The following CCSER1 variants were observed in gnomAD, a reference collection of about 807,000 sequenced individuals.
CCSER1 encodes the protein coiled-coil serine rich protein 1.
In CCSER1, 41 loss-of-function variants were observed where a neutral mutation model predicts 82.0. The ratio of observed to expected loss-of-function variants is 0.50; its 90% CI spans 0.39 to 0.65. The LOEUF (loss-of-function observed/expected upper bound fraction) is 0.65, where lower values mean the gene tolerates loss of function less well. CCSER1 is among the 30% of genes least tolerant of loss of function. CCSER1 has a pLI of 0.00. For missense variants in CCSER1, 1,119 were observed against 1,064.2 expected, an observed-to-expected ratio of 1.05 and a Z score of -0.72; for synonymous variants, 414 against 383.9, an observed-to-expected ratio of 1.08 and a Z score of -0.92.
intron 6 of CCSER1, among the ~76,000 whole-genome samples, chr4:90,669,109 A>G (rs901859127): frequency 1.3e-5 from 2 of 152,036 alleles, no homozygotes; most frequent in African/African-American, 4.8e-5. Context: ...TATGGAATAT[A>G]TAATATAGTG....
At chr4:90,202,343 C>T (rs1256131364) in intron 1 of CCSER1, among the ~76,000 whole-genome samples, 1 of 152,028 alleles carries the variant, frequency 6.6e-6, no homozygotes, top group Admixed American at 6.6e-5. Flanking sequence ...GCTGGGATTA[C>T]AGGCACCCGT....
chr4:90,155,470 G>A (rs1727915146), intron 1 of CCSER1, among the ~76,000 whole-genome samples: 1 of 152,102 alleles, frequency 6.6e-6, no homozygotes, highest in Non-Finnish European at 1.5e-5. Flanking sequence ...GTTCCTCCTT[G>A]TACCTCTGGT....
At chr4:91,243,639 A>G (rs982763517) in intron 10 of CCSER1, among the ~76,000 whole-genome samples, 1 of 152,222 alleles carries the variant, frequency 6.6e-6, no homozygotes, top group Non-Finnish European at 1.5e-5. Flanking sequence ...CCTAGCTCCC[A>G]GATGACATTT....
rs185645237 is a variant in CCSER1 at position 91,361,617 on chromosome 4, G to C, written c.2218-236955G>C. ...TCCATTGGGATTTCAAAGAGTGGAG[G>C]GAGAGACTTATTAACAGAGACTGCA... On this transcript the variant is annotated intron_variant, in intron 10 of 10. Coordinates refer to ENST00000509176, the MANE Select transcript of CCSER1 (RefSeq NM_001145065.2). Among the ~76,000 whole-genome samples, 240 of 151,798 alleles carry C rather than the reference G, an allele frequency of 1.6e-3. 1 individual carries two copies. The highest frequency in any genetic ancestry group is 5.6e-3 in the African/African-American group (233 of 41,466).
intron 10 of CCSER1, among the ~76,000 whole-genome samples, chr4:91,208,027 C>G (rs1190960227): frequency 6.6e-6 from 1 of 151,900 alleles, no homozygotes; most frequent in East Asian, 1.9e-4. Flanking sequence ...TGTATGTCTT[C>G]TTTTTAAAAG....
chr4:90,889,629 A>G (rs1278616743), intron 8 of CCSER1, among the ~76,000 whole-genome samples: 2 of 152,150 alleles, frequency 1.3e-5, no homozygotes, highest in African/African-American at 4.8e-5. Flanking sequence ...CAGCTTAAAT[A>G]TCCATCAACA....
At chr4:90,553,823 C>A (rs908123435) in intron 5 of CCSER1, among the ~76,000 whole-genome samples, 27 of 152,096 alleles carry the variant, frequency 1.8e-4, no homozygotes, top group Non-Finnish European at 5.9e-5. Flanking sequence ...TTCATTTAAA[C>A]CTTCTGAAAT....
chr4:90,641,869 T>A (rs570338024), intron 6 of CCSER1: 1 of 256,300 alleles, frequency 3.9e-6, no homozygotes, highest in Non-Finnish European at 8.7e-6. Flanking sequence ...AATCTATTTG[T>A]GTTATTATCA....
chr4:91,092,145 G>C (rs1461929526), intron 10 of CCSER1, among the ~76,000 whole-genome samples: 1 of 152,150 alleles, frequency 6.6e-6, no homozygotes, highest in Non-Finnish European at 1.5e-5. Flanking sequence ...ATTTTTGATA[G>C]TCTGATTCAT....
chr4:90,652,488 C>A (rs1208711468), intron 6 of CCSER1, among the ~76,000 whole-genome samples: 1 of 152,074 alleles, frequency 6.6e-6, no homozygotes, highest in Non-Finnish European at 1.5e-5. Flanking sequence ...AAACTGATAT[C>A]CCAAAATATG....
At position 90,813,416 on chromosome 4, in the gene CCSER1, G is replaced by A. The variant is rs960520027; in HGVS notation, c.2011-2346G>A. On this transcript the variant is annotated intron_variant, in intron 7 of 10. Transcript: ENST00000509176. ...GGCTCTGTGGGGTATATCCCCTGCG[G>A]CTCCTTTCACAGCCTGGTGGTGAGT... is the stretch of plus-strand genomic sequence containing the variant. 2.6e-5 allele frequency among the ~76,000 whole-genome samples: 4 copies of A among 152,332 alleles called. No individual in the cohort carries two copies. The East Asian group carries it at 7.7e-4, about 29-fold the overall frequency.
chr4:90,639,249 CATTGAATCAATATCAATCAAT>C (rs1478115141), intron 6 of CCSER1, among the ~76,000 whole-genome samples: 3 of 151,276 alleles, frequency 2.0e-5, no homozygotes, highest in South Asian at 2.1e-4. Flanking sequence ...GTGTTGTATT[CATTGAATCAATATCAATCAAT>C]ATTGAATCAA....
chr4:91,449,049 G>A (rs1213012588), intron 10 of CCSER1, among the ~76,000 whole-genome samples: 1 of 152,032 alleles, frequency 6.6e-6, no homozygotes, highest in Non-Finnish European at 1.5e-5. Flanking sequence ...CTTGTAAGAT[G>A]GAAGGGAGTG....
Position 91,077,771 on chromosome 4 carries a change from T to C in CCSER1, c.2173-8179T>C, listed in dbSNP as rs530924184. Reference sequence around the variant, plus strand: ...CAATACTGCACTTTTCCAATGGTCTTAGCAAACAGCACACCAGGAGATTAT... The same window carrying C: ...CAATACTGCACTTTTCCAATGGTCTCAGCAAACAGCACACCAGGAGATTAT... On this transcript the variant is annotated intron_variant, in intron 9 of 10. Transcript: ENST00000509176. Among the ~76,000 whole-genome samples, 3 of 152,314 alleles carry C rather than the reference T, an allele frequency of 2.0e-5. No homozygotes were observed. The South Asian group carries it at 6.2e-4, about 32-fold the overall frequency.
chr4:90,163,919 A>AAC (rs1729952458), intron 1 of CCSER1, among the ~76,000 whole-genome samples: 1 of 152,188 alleles, frequency 6.6e-6, no homozygotes, highest in Non-Finnish European at 1.5e-5. Flanking sequence ...TGAAAAGAGA[A>AAC]ACATTTCTTT....
intron 10 of CCSER1, among the ~76,000 whole-genome samples, chr4:91,552,655 C>A (rs1340364461): frequency 2.0e-5 from 3 of 151,484 alleles, no homozygotes; most frequent in Non-Finnish European, 4.4e-5. Context: ...GTGGAAGCAA[C>A]AAGGCTGACT....
At chr4:91,594,501 G>T (rs1248111234) in intron 10 of CCSER1, among the ~76,000 whole-genome samples, 1 of 147,928 alleles carries the variant, frequency 6.8e-6, no homozygotes, top group Admixed American at 6.8e-5. Context: ...ACCCAAATCA[G>T]ATCTATCTAT....
At chr4:91,365,199 A>G (rs1749527273) in intron 10 of CCSER1, among the ~76,000 whole-genome samples, 2 of 152,180 alleles carry the variant, frequency 1.3e-5, no homozygotes, top group South Asian at 2.1e-4. Flanking sequence ...AGGGCAGTGT[A>G]GAAATATTAT....
At chr4:91,233,457 C>T (rs774844926) in intron 10 of CCSER1, among the ~76,000 whole-genome samples, 17 of 152,024 alleles carry the variant, frequency 1.1e-4, no homozygotes, top group Non-Finnish European at 2.2e-4. Flanking sequence ...GAATAGAACA[C>T]ACTCCTCCAG....
Sources: gnomAD v4.1 joint callset for allele counts (sites outside exome capture counted in the v4.1 genomes callset) on GRCh38, gnomAD v4.1.1 for gene constraint, MANE v1.5 for transcripts, NCBI Gene and HGNC (gene_info 2026-07-23, HGNC 2026-07-21) for gene names.